MCPH1: variants seen among roughly 807,000 people sequenced by gnomAD.
The protein encoded by MCPH1 is microcephalin 1.
In MCPH1, 104 loss-of-function variants were observed where a neutral mutation model predicts 84.5. That is an observed-to-expected ratio of 1.23 (90% CI 1.05 to 1.45). The LOEUF (loss-of-function observed/expected upper bound fraction) is 1.45, where lower values mean the gene tolerates loss of function less well. MCPH1 is among the 40% of genes most tolerant of loss of function. The pLI is 0.00. For missense variants in MCPH1, 1,498 were observed against 1,005.7 expected (o/e 1.49, Z -6.62); for synonymous variants, 514 against 366.8 (o/e 1.40, Z -4.58).
intron 3 of MCPH1, among the ~76,000 whole-genome samples, chr8:6,425,643 A>T (rs1563189260): frequency 1.3e-5 from 2 of 152,224 alleles, no homozygotes; most frequent in Non-Finnish European, 2.9e-5. Context: ...CAACTGTATA[A>T]CCTATGTCAG....
intron 12 of MCPH1, among the ~76,000 whole-genome samples, chr8:6,559,216 T>TA (rs1236466406): frequency 8.5e-6 from 1 of 117,322 alleles, no homozygotes; most frequent in Non-Finnish European, 1.7e-5. Context: ...GAGTGTTTTG[T>TA]AGCCACACAC....
intron 12 of MCPH1, among the ~76,000 whole-genome samples, chr8:6,595,501 G>A (rs1051086370): frequency 1.3e-5 from 2 of 152,218 alleles, no homozygotes; most frequent in African/African-American, 2.4e-5. Context: ...CCTGATGGAC[G>A]GCTGAGCCAG....
At position 6,585,968 on chromosome 8, in the gene MCPH1, A is replaced by G. The variant is rs554054274; in HGVS notation, c.2215-35486A>G. On this transcript the variant is annotated intron_variant, in intron 12 of 13. Transcript: ENST00000344683. ...AAGCAAGTGAAGCCATCCTTCTTTT[A>G]TTGAGTTTTTGAGCTAGGGTCTCAC... Among the ~76,000 whole-genome samples the G allele has an allele frequency of 2.2e-4, 33 of 152,240 alleles. No individual in the cohort carries two copies. In the South Asian group the frequency reaches 6.8e-3, roughly 32 times the overall value.
intron 8 of MCPH1, chr8:6,447,225 G>T (rs757133731): frequency 1.0e-6 from 1 of 985,206 alleles, no homozygotes; most frequent in Non-Finnish European, 1.2e-6. Context: ...AGCCCCCTGG[G>T]ACTCAGGTGA....
intron 12 of MCPH1, among the ~76,000 whole-genome samples, chr8:6,607,324 A>G (rs1003166308): frequency 6.6e-6 from 1 of 152,104 alleles, no homozygotes; most frequent in Non-Finnish European, 1.5e-5. Flanking sequence ...TTGTCTAATC[A>G]CCTCCTCCAC....
chr8:6,551,640 T>C (rs551848334), intron 12 of MCPH1, among the ~76,000 whole-genome samples: 95 of 152,336 alleles, frequency 6.2e-4, no homozygotes, highest in Admixed American at 8.5e-4. Flanking sequence ...TTAAAAATGA[T>C]TCAGGTCAGG....
At chr8:6,454,724 C>G (rs1268541684) in intron 8 of MCPH1, among the ~76,000 whole-genome samples, 1 of 152,174 alleles carries the variant, frequency 6.6e-6, no homozygotes, top group Non-Finnish European at 1.5e-5. Context: ...GTACTGAAGA[C>G]TATTTTCTAG....
intron 12 of MCPH1, among the ~76,000 whole-genome samples, chr8:6,526,757 A>C (rs1345482134): frequency 1.3e-5 from 2 of 152,198 alleles, no homozygotes; most frequent in African/African-American, 4.8e-5. Context: ...GCCATGTTCC[A>C]TGTTGTATAT....
chr8:6,518,582 G>C (rs1022851745), intron 12 of MCPH1, among the ~76,000 whole-genome samples: 2 of 152,000 alleles, frequency 1.3e-5, no homozygotes, highest in African/African-American at 4.8e-5. Context: ...CAAGTTCCAG[G>C]TCTTTAAAAC....
At chr8:6,633,014 G>C (rs1797280001) in intron 13 of MCPH1, among the ~76,000 whole-genome samples, 1 of 141,608 alleles carries the variant, frequency 7.1e-6, no homozygotes, top group African/African-American at 2.6e-5. Context: ...TCAATGCCGA[G>C]TAATGATTTA....
Position 6,457,045 on chromosome 8 carries a change from G to T in MCPH1, c.1935+1793G>T, listed in dbSNP as rs758077887. On this transcript the variant is annotated intron_variant, in intron 9 of 13. Transcript: ENST00000344683. ...ATTACTGTCTTGAGTAATGATAAAA[G>T]AATGAGTGGTCAGAGAGGGAGACAA... is the stretch of plus-strand genomic sequence containing the variant. Among the ~76,000 whole-genome samples, 81 of 152,302 alleles carry T rather than the reference G, an allele frequency of 5.3e-4. 1 individual carries two copies. The highest frequency in any genetic ancestry group is 3.4e-3 in the Middle Eastern group (1 of 294).
intron 11 of MCPH1, among the ~76,000 whole-genome samples, chr8:6,486,622 G>A (rs932598081): frequency 6.6e-6 from 1 of 152,136 alleles, no homozygotes; most frequent in Admixed American, 6.5e-5. Context: ...CATGTTTACA[G>A]CAGTTCACAC....
Position 6,528,680 on chromosome 8 carries a change from C to T in MCPH1, c.2214+28751C>T, listed in dbSNP as rs78177277. On this transcript the variant is annotated intron_variant, in intron 12 of 13. Coordinates refer to ENST00000344683, the MANE Select transcript of MCPH1 (RefSeq NM_024596.5). ...CTGGTTGCCCTTCAGCAGGAAGAAT[C>T]GACTACTCACTTCCTCCATGTCATG... Among the ~76,000 whole-genome samples, 278 of 152,366 alleles carry T rather than the reference C, an allele frequency of 1.8e-3. 8 individuals are homozygous for T. The South Asian group carries it at 0.031, about 17-fold the overall frequency.
At chr8:6,642,085 G>A (rs1247767745) in intron 13 of MCPH1, among the ~76,000 whole-genome samples, 1 of 150,926 alleles carries the variant, frequency 6.6e-6, no homozygotes, top group Non-Finnish European at 1.5e-5. Flanking sequence ...TTTCTTTTTT[G>A]TACCATACCA....
At chr8:6,460,717 G>A (rs1393073747) in intron 9 of MCPH1, among the ~76,000 whole-genome samples, 1 of 151,784 alleles carries the variant, frequency 6.6e-6, no homozygotes, top group Non-Finnish European at 1.5e-5. Context: ...TTCCTAGCAG[G>A]GACTGAGATG....
chr8:6,520,375 T>G (rs991878957), intron 12 of MCPH1, among the ~76,000 whole-genome samples: 13 of 152,204 alleles, frequency 8.5e-5, no homozygotes, highest in Non-Finnish European at 1.6e-4. Flanking sequence ...AGAATGTCCC[T>G]AAACACTGTT....
chr8:6,593,990 C>G (rs1474132296), intron 12 of MCPH1, among the ~76,000 whole-genome samples: 1 of 152,212 alleles, frequency 6.6e-6, no homozygotes, highest in Non-Finnish European at 1.5e-5. Flanking sequence ...CAGGTGCCTT[C>G]CCTATTGTCT....
At chr8:6,407,820 C>T (rs1797961088) in intron 1 of MCPH1, among the ~76,000 whole-genome samples, 2 of 152,142 alleles carry the variant, frequency 1.3e-5, no homozygotes, top group African/African-American at 2.4e-5. Flanking sequence ...CCATATCTAG[C>T]CTGCTGCCTG....
intron 12 of MCPH1, chr8:6,562,518 C>G (rs1825686814): frequency 1.2e-6 from 1 of 810,808 alleles, no homozygotes; most frequent in Non-Finnish European, 1.7e-6. Context: ...TACCAGCAAC[C>G]CGCTCTCCAG....
Sources: gnomAD v4.1 joint callset for allele counts (sites outside exome capture counted in the v4.1 genomes callset) on GRCh38, gnomAD v4.1.1 for gene constraint, MANE v1.5 for transcripts, NCBI Gene and HGNC (gene_info 2026-07-23, HGNC 2026-07-21) for gene names.